The following NRXN1 variants were observed in gnomAD, a reference collection of about 807,000 sequenced individuals.
The protein encoded by NRXN1 is neurexin-1.
NRXN1 carries 39 observed loss-of-function variants against 150.9 expected under a neutral mutation model. The ratio of observed to expected loss-of-function variants is 0.26; its 90% CI spans 0.20 to 0.34. NRXN1 has a LOEUF of 0.34. NRXN1 is among the 10% of genes least tolerant of loss of function. The pLI, the probability that NRXN1 is intolerant of heterozygous loss-of-function variation, is 1.00. For synonymous variants in NRXN1, 924 were observed against 757.0 expected (o/e 1.22, Z -3.62); for missense variants, 1,815 against 1,949.9 (o/e 0.93, Z 1.30).
intron 17 of NRXN1, among the ~76,000 whole-genome samples, chr2:50,311,434 T>C (rs148564960): frequency 2.0e-3 from 311 of 152,260 alleles, no homozygotes; most frequent in African/African-American, 7.1e-3. Flanking sequence ...GTACAAGTTT[T>C]AGTTATCTAA....
chr2:50,359,073 G>A (rs1162485842), intron 17 of NRXN1, among the ~76,000 whole-genome samples: 1 of 152,096 alleles, frequency 6.6e-6, no homozygotes, highest in Non-Finnish European at 1.5e-5. Context: ...TCAACAGAAA[G>A]AACGACCACG....
intron 17 of NRXN1, among the ~76,000 whole-genome samples, chr2:50,253,268 T>C (rs1303918163): frequency 6.6e-6 from 1 of 152,200 alleles, no homozygotes; most frequent in Admixed American, 6.5e-5. Context: ...TTTTGTATCT[T>C]GAGACTTTGC....
chr2:50,094,406 A>G (rs1699953420), intron 18 of NRXN1, among the ~76,000 whole-genome samples: 1 of 152,204 alleles, frequency 6.6e-6, no homozygotes, highest in Non-Finnish European at 1.5e-5. Flanking sequence ...CACATACTGC[A>G]GGGTGGAAGT....
chr2:51,021,518 T>C (rs937431195), intron 2 of NRXN1, among the ~76,000 whole-genome samples: 1 of 151,642 alleles, frequency 6.6e-6, no homozygotes, highest in African/African-American at 2.4e-5. Context: ...CATTTAATGA[T>C]ATCCAAAACT....
intron 5 of NRXN1, chr2:50,918,519 C>T (rs1049682104): frequency 1.1e-5 from 4 of 364,830 alleles, no homozygotes; most frequent in Non-Finnish European, 2.0e-5. Context: ...CCAACATTCG[C>T]TGATAATTAT....
At chr2:50,924,990 A>G (rs2104320736) in intron 3 of NRXN1, among the ~76,000 whole-genome samples, 1 of 151,952 alleles carries the variant, frequency 6.6e-6, no homozygotes, top group African/African-American at 2.4e-5. Flanking sequence ...CTATATTTCA[A>G]AATATGGTAG....
chr2:50,580,041 G>A (rs1672018955), intron 8 of NRXN1, among the ~76,000 whole-genome samples: 1 of 152,140 alleles, frequency 6.6e-6, no homozygotes, highest in African/African-American at 2.4e-5. Flanking sequence ...TTTGAGAACA[G>A]GTCTTATTCT....
intron 21 of NRXN1, among the ~76,000 whole-genome samples, chr2:50,014,376 C>T (rs1000735567): frequency 6.6e-6 from 1 of 151,946 alleles, no homozygotes; most frequent in African/African-American, 2.4e-5. Context: ...GTGTTTAATC[C>T]AGGATTTTGT....
chr2:50,240,459 A>T (rs1019081812), intron 17 of NRXN1, among the ~76,000 whole-genome samples: 1 of 151,748 alleles, frequency 6.6e-6, no homozygotes, highest in African/African-American at 2.4e-5. Context: ...ATCAAACTTT[A>T]CAAAATCTCC....
chr2:50,976,021 C>T lies in NRXN1; in HGVS notation c.773-50066G>A, dbSNP rs1032357553. ...TATTTTTTATATTTTGTCCCAGTGT[C>T]CCCTTGACTAGACATCTGCATATGT... On this transcript the variant is annotated intron_variant, in intron 2 of 22. Transcript: ENST00000401669. 3.9e-5 allele frequency among the ~76,000 whole-genome samples: 6 copies of T among 151,982 alleles called. 1 individual carries two copies. The highest frequency in any genetic ancestry group is 1.4e-4 in the African/African-American group (6 of 41,402).
chr2:50,751,961 AAG>A (rs1301820258), intron 5 of NRXN1, among the ~76,000 whole-genome samples: 1 of 151,894 alleles, frequency 6.6e-6, no homozygotes, highest in African/African-American at 2.4e-5. Flanking sequence ...AGAATCAGGA[AAG>A]AGTTATTGGA....
chr2:50,969,295 G>A (rs1275810448), intron 2 of NRXN1, among the ~76,000 whole-genome samples: 1 of 151,794 alleles, frequency 6.6e-6, no homozygotes, highest in Non-Finnish European at 1.5e-5. Context: ...CTTTTCTTTT[G>A]CTTCTTCATT....
chr2:50,027,708 G>T (rs922054918), intron 21 of NRXN1, among the ~76,000 whole-genome samples: 12 of 152,142 alleles, frequency 7.9e-5, no homozygotes, highest in African/African-American at 2.9e-4. Flanking sequence ...TGGGAATATA[G>T]ATGGGAGCCA....
intron 5 of NRXN1, among the ~76,000 whole-genome samples, chr2:50,869,252 T>C (rs2106086723): frequency 6.6e-6 from 1 of 151,900 alleles, no homozygotes; most frequent in East Asian, 2.0e-4. Flanking sequence ...ACCAATTCAT[T>C]GGAATTCTCT....
chr2:50,055,566 T>A (rs1303254529), intron 19 of NRXN1, among the ~76,000 whole-genome samples: 1 of 152,180 alleles, frequency 6.6e-6, no homozygotes, highest in Non-Finnish European at 1.5e-5. Flanking sequence ...AAATTCTTAT[T>A]CACCTCATTT....
At chr2:50,573,200 T>C (rs1219231978) in intron 8 of NRXN1, among the ~76,000 whole-genome samples, 1 of 151,952 alleles carries the variant, frequency 6.6e-6, no homozygotes, top group Non-Finnish European at 1.5e-5. Flanking sequence ...CAAAACCTCA[T>C]CTCTATTAAA....
intron 5 of NRXN1, among the ~76,000 whole-genome samples, chr2:50,644,975 T>C (rs374337869): frequency 7.3e-5 from 11 of 151,216 alleles, no homozygotes; most frequent in African/African-American, 2.4e-4. Flanking sequence ...TCTGCTTCTC[T>C]TCAGTTTGAT....
intron 8 of NRXN1, among the ~76,000 whole-genome samples, chr2:50,586,859 T>C (rs1324043754): frequency 3.9e-5 from 6 of 152,216 alleles, no homozygotes; most frequent in Admixed American, 2.0e-4. Flanking sequence ...TTTCCTGTTA[T>C]AGTAATTAGC....
chr2:50,594,994 C>T (rs12476057), intron 8 of NRXN1, among the ~76,000 whole-genome samples: 32,544 of 149,558 alleles, frequency 0.22, 4,388 homozygotes, highest in East Asian at 0.41. Flanking sequence ...GTTGACCTCT[C>T]TTCTTAAAAA....
Sources: allele counts gnomAD v4.1 joint callset (sites outside exome capture counted in the v4.1 genomes callset), GRCh38; gene constraint gnomAD v4.1.1; transcripts MANE v1.5; gene names NCBI Gene and HGNC (gene_info 2026-07-23, HGNC 2026-07-21).